Variants in ARHGEF40 observed in about 807,000 individuals in gnomAD.
The protein encoded by ARHGEF40 is Rho guanine nucleotide exchange factor (GEF) 40.
In ARHGEF40, 98 loss-of-function variants were observed where a neutral mutation model predicts 165.9. That is an observed-to-expected ratio of 0.59 (90% CI 0.50 to 0.70). ARHGEF40 has a LOEUF of 0.70. ARHGEF40 is among the 30% of genes least tolerant of loss of function. The pLI is 0.00. For missense variants in ARHGEF40, 1,815 were observed against 1,968.0 expected (o/e 0.92, Z 1.47); for synonymous variants, 792 against 814.3 (o/e 0.97, Z 0.47).
Position 21,078,386 on chromosome 14 carries a change from T to C in ARHGEF40, c.2144T>C (p.Met715Thr). 6.2e-7 allele frequency: 1 copy of C among 1,605,704 alleles called. No homozygotes were observed. ...AEPEEEEAVG[M>T]PKPLQKVLAD... Reference sequence around the variant, plus strand: ...CCCTATCCCCAGGAGGCAGTGGGAATGCCCAAGCCACTGCAGAAGGTGCTG... The same window carrying C: ...CCCTATCCCCAGGAGGCAGTGGGAACGCCCAAGCCACTGCAGAAGGTGCTG... The change falls in exon 10 of 24, where the codon ATG becomes ACG. Residue 715 changes from methionine to threonine, a missense_variant. Coordinates refer to ENST00000298694, the MANE Select transcript of ARHGEF40 (RefSeq NM_018071.5).
chr14:21,075,294 T>C lies in ARHGEF40; in HGVS notation c.1451-38T>C. ...TGGGAGCAGAACAACCAGAACCATC[T>C]TAACTTCAGTCCCATGTTTCTGTCT... On this transcript the variant is annotated intron_variant, in intron 3 of 23. Coordinates refer to ENST00000298694, the MANE Select transcript of ARHGEF40 (RefSeq NM_018071.5). The surrounding 1 kb of genome is among the most constrained non-coding windows in gnomAD (Gnocchi z 4.5). 6.2e-7 allele frequency: 1 copy of C among 1,610,884 alleles called. No homozygotes were observed. Among genetic ancestry groups the C allele is most frequent in the Non-Finnish European group, 8.5e-7 (1 of 1,178,672 alleles).
Position 21,073,913 on chromosome 14 carries a change from C to T in ARHGEF40, c.202-19C>T, listed in dbSNP as rs1425911036. On this transcript the variant is annotated intron_variant, in intron 2 of 23. Transcript: ENST00000298694. The surrounding 1 kb of genome is among the most constrained non-coding windows in gnomAD (Gnocchi z 4.6). ...TCTTCAGCAGAGGCCTGAGTGCAGC[C>T]TCCCACCTCTCTCCCCAGGCCCAAT... 3.2e-6 allele frequency: 5 copies of T among 1,578,924 alleles called. No individual in the cohort carries two copies. The highest frequency in any genetic ancestry group is 4.3e-6 in the Non-Finnish European group (5 of 1,167,374).
chr14:21,075,490 A>C lies in ARHGEF40; in HGVS notation c.1609A>C (p.Ile537Leu). 6.2e-7 allele frequency: 1 copy of C among 1,614,156 alleles called. No homozygotes were observed. Among genetic ancestry groups the C allele is most frequent in the South Asian group, 1.1e-5 (1 of 91,080 alleles). ...AWDLMASGFL[I>L]LTGGVDQSGR... ...GGACTTGATGGCATCTGGATTCCTC[A>C]TCCTGACGGGTCAGTGGGCATCAGT... The change falls in exon 4 of 24, where the codon ATC becomes CTC. Residue 537 changes from isoleucine to leucine, a missense_variant. Ile to Leu is a conservative substitution (Grantham distance 5, BLOSUM62 2). Coordinates refer to ENST00000298694, the MANE Select transcript of ARHGEF40 (RefSeq NM_018071.5). This position sits in a 1 kb window ranked among gnomAD's most constrained non-coding sequence, Gnocchi z 4.5.
At chr14:21,071,233 A>G (rs1226714867) in intron 1 of ARHGEF40, among the ~76,000 whole-genome samples, 1 of 152,110 alleles carries the variant, frequency 6.6e-6, no homozygotes, top group South Asian at 2.1e-4. Flanking sequence ...GCCCACACCA[A>G]CAGGAGTGAA....
In ARHGEF40 at chr14:21,074,733, G is replaced by A; in HGVS notation, c.1003G>A (p.Glu335Lys). The change falls in exon 3 of 24, where the codon GAG becomes AAG. Residue 335 changes from glutamate to lysine, a missense_variant. Transcript: ENST00000298694. The surrounding 1 kb of genome is among the most constrained non-coding windows in gnomAD (Gnocchi z 4.8). ...AGAGGCAGCAGTCTTGGAGGTGTCTGAGCCCCCAGCAGAGGCTGTGGGAGA... is the reference window on the plus strand; with the variant it reads ...AGAGGCAGCAGTCTTGGAGGTGTCTAAGCCCCCAGCAGAGGCTGTGGGAGA... ...VPEAAVLEVS[E>K]PPAEAVGEAS... 1.2e-6 allele frequency: 2 copies of A among 1,605,184 alleles called. No individual in the cohort carries two copies.
Position 21,075,156 on chromosome 14 carries a change from G to T in ARHGEF40, c.1426G>T (p.Gly476Trp). The change falls in exon 3 of 24, where the codon GGG (glycine) becomes TGG (tryptophan). Residue 476 changes from glycine to tryptophan, a missense_variant. Gly to Trp is a radical substitution (Grantham distance 184). Coordinates refer to ENST00000298694, the MANE Select transcript of ARHGEF40 (RefSeq NM_018071.5). The surrounding 1 kb of genome is among the most constrained non-coding windows in gnomAD (Gnocchi z 4.5). The part of the protein sequence containing the change: ...EEGAGERELE[G>W]PGLLCMAGHT... ...GGGGGCCGGAGAGAGAGAGCTGGAG[G>T]GGCCAGGCCTGCTGTGTATGGCAGG... 1 of 1,606,100 alleles carries T rather than the reference G, an allele frequency of 6.2e-7. No individual in the cohort carries two copies. Among genetic ancestry groups the T allele is most frequent in the Non-Finnish European group, 8.5e-7 (1 of 1,177,112 alleles).
chr14:21,081,104 A>G, intron 13 of ARHGEF40, 88 bp downstream of exon 13: 4 of 1,523,816 alleles, frequency 2.6e-6, no homozygotes, highest in Non-Finnish European at 2.6e-6. Context: ...AGTTGTTAAA[A>G]GTGGAGGCTG....
intron 17 of ARHGEF40, 38 bp downstream of exon 17, chr14:21,084,088 C>G (rs1383326195): frequency 6.5e-7 from 1 of 1,545,102 alleles, no homozygotes; most frequent in Non-Finnish European, 8.8e-7. Context: ...CTCAAACTGC[C>G]CAGCCCTGGC....
rs1322481946 is a variant in ARHGEF40 at position 21,089,715 on chromosome 14, AT to A, written c.*708del. On this transcript the variant is annotated 3_prime_UTR_variant, in exon 24 of 24. Transcript: ENST00000298694. Reference sequence around the variant, plus strand: ...GCTGACTGTGTATGAGCCTGGGAGAATGTGTCTCCTCCACAGTGGCTCCCAG... The same window carrying A: ...GCTGACTGTGTATGAGCCTGGGAGAAGTGTCTCCTCCACAGTGGCTCCCAG... The A allele has an allele frequency of 6.6e-6, 1 of 152,212 alleles. No homozygotes were observed. The highest frequency in any genetic ancestry group is 1.5e-5 in the Non-Finnish European group (1 of 68,098). The allele number at this position is 152,212 out of a possible 1,614,324, so 9.4% of individuals were successfully genotyped here.
intron 18 of ARHGEF40, 80 bp downstream of exon 18, chr14:21,085,003 C>A: frequency 6.5e-7 from 1 of 1,532,710 alleles, no homozygotes; most frequent in South Asian, 1.2e-5. Flanking sequence ...GGAAATTCAG[C>A]CCCAACAGAG....
rs1438154521 is a variant in ARHGEF40, at chr14:21,089,737, C to G, written c.*729C>G. The G allele has an allele frequency of 1.3e-5, 2 of 152,394 alleles. No homozygotes were observed. The highest frequency in any genetic ancestry group is 2.4e-5 in the African/African-American group (1 of 41,420). 9.4% of individuals were successfully genotyped at this position (152,394 alleles called of 1,614,324 possible). A position where few individuals can be genotyped will look rare whatever the true frequency, so the allele number is the denominator to read the frequency against. ...AGAATGTGTCTCCTCCACAGTGGCT[C>G]CCAGAGGTTCCACACACTCTCTGAA... On this transcript the variant is annotated 3_prime_UTR_variant, in exon 24 of 24. Coordinates refer to ENST00000298694, the MANE Select transcript of ARHGEF40 (RefSeq NM_018071.5).
Position 21,080,695 on chromosome 14 carries a change from G to A in ARHGEF40, c.2409G>A (p.Gln803=). 1 of 1,611,960 alleles carries A rather than the reference G, an allele frequency of 6.2e-7. No homozygotes were observed. The highest frequency in any genetic ancestry group is 8.5e-7 in the Non-Finnish European group (1 of 1,179,314). ...LQWLSGPGEE[Q]LASFAMPGDT... Reference sequence around the variant, plus strand: ...GGCTCTCGGGCCCAGGGGAGGAGCAGCTGGCAAGCTTTGCTATGCCTGGGG... The same window carrying A: ...GGCTCTCGGGCCCAGGGGAGGAGCAACTGGCAAGCTTTGCTATGCCTGGGG... Residue 803 remains glutamine (Q), a synonymous_variant, in exon 12 of 24, where the codon CAG becomes CAA. Transcript: ENST00000298694.
At position 21,074,435 on chromosome 14, in the gene ARHGEF40, G is replaced by A. The variant is rs1330310473; in HGVS notation, c.705G>A (p.Val235=). Residue 235 remains valine, a synonymous_variant, in exon 3 of 24, where the codon GTG becomes GTA. Coordinates refer to ENST00000298694, the MANE Select transcript of ARHGEF40 (RefSeq NM_018071.5). This position sits in a 1 kb window ranked among gnomAD's most constrained non-coding sequence, Gnocchi z 4.8. ...CTGGGGATGGGCACAATGCCCCTGTGGAAGGACCTGAGGGCGAGTATGTGG... is the reference window on the plus strand; with the variant it reads ...CTGGGGATGGGCACAATGCCCCTGTAGAAGGACCTGAGGGCGAGTATGTGG... ...RSPGDGHNAP[V]EGPEGEYVEL... The A allele has an allele frequency of 6.2e-7, 1 of 1,606,148 alleles. No individual in the cohort carries two copies. Among genetic ancestry groups the A allele is most frequent in the African/African-American group, 1.3e-5 (1 of 74,682 alleles).
chr14:21,064,488 G>T, the ARHGEF40 span, among the ~76,000 whole-genome samples: 20 of 152,118 alleles, frequency 1.3e-4, no homozygotes, highest in African/African-American at 4.8e-4. Flanking sequence ...TTTTAGTAGA[G>T]ACTGGGTTTC....
intron 11 of ARHGEF40, among the ~76,000 whole-genome samples, chr14:21,079,868 T>C (rs1003728666): frequency 2.6e-5 from 4 of 152,178 alleles, no homozygotes; most frequent in African/African-American, 9.7e-5. Flanking sequence ...GAGTCTAACG[T>C]GCTCAGCTTG....
chr14:21,084,170 AC>A, intron 17 of ARHGEF40, 120 bp downstream of exon 17: 1 of 1,059,628 alleles, frequency 9.4e-7, no homozygotes, highest in Non-Finnish European at 1.3e-6. Flanking sequence ...CTAATTTCTA[AC>A]CAGCTGGGTG....
In ARHGEF40 at chr14:21,070,422, C is replaced by T; in HGVS notation, c.3+23C>T. On this transcript the variant is annotated intron_variant, in intron 1 of 23. Coordinates refer to ENST00000298694, the MANE Select transcript of ARHGEF40 (RefSeq NM_018071.5). The surrounding 1 kb of genome is among the most constrained non-coding windows in gnomAD (Gnocchi z 4.7). ...ATGGTGAGTCCAGCGTCGCAGCCCC[C>T]TGGGTCCCCTCGGCCTTCGCGCAGC... 7.1e-7 allele frequency: 1 copy of T among 1,409,544 alleles called. No homozygotes were observed. Among genetic ancestry groups the T allele is most frequent in the Non-Finnish European group, 9.2e-7 (1 of 1,091,028 alleles). The allele number at this position is 1,409,544 out of a possible 1,614,324, so 87.3% of individuals were successfully genotyped here. A position where few individuals can be genotyped will look rare whatever the true frequency, so the allele number is the denominator to read the frequency against.
At position 21,087,746 on chromosome 14, in the gene ARHGEF40, G is replaced by A. The variant is rs143638051; in HGVS notation, c.4388-222G>A. On this transcript the variant is annotated intron_variant, in intron 21 of 23. Coordinates refer to ENST00000298694, the MANE Select transcript of ARHGEF40 (RefSeq NM_018071.5). ...CTGTTGTACCCTCCTGGTTCACCACGGCAATCCTTATAGTTTCCTGTCGCT... is the reference window on the plus strand; with the variant it reads ...CTGTTGTACCCTCCTGGTTCACCACAGCAATCCTTATAGTTTCCTGTCGCT... 4.6e-4 allele frequency: 323 copies of A among 704,402 alleles called. No individual in the cohort carries two copies. The African/African-American group carries it at 4.9e-3, about 11-fold the overall frequency. 43.6% of individuals were successfully genotyped at this position (704,402 alleles called of 1,614,324 possible).
At chr14:21,069,870 C>A (rs1042658931), upstream of ARHGEF40, among the ~76,000 whole-genome samples, 3 of 152,212 alleles carry the variant, frequency 2.0e-5, no homozygotes, top group East Asian at 5.8e-4. Context: ...AGCGGGGAGG[C>A]TTTCCAGCCG....
Sources: gnomAD v4.1 joint callset for allele counts (sites outside exome capture counted in the v4.1 genomes callset) on GRCh38, gnomAD v4.1.1 for gene constraint, Gnocchi (gnomAD v3.1) non-coding constraint, MANE v1.5 for transcripts, NCBI Gene and HGNC (gene_info 2026-07-23, HGNC 2026-07-21) for gene names.